The following UNC79 variants were observed in gnomAD, a reference collection of about 807,000 sequenced individuals.
UNC79 encodes unc-79 subunit of NALCN channel complex.
In UNC79, 37 loss-of-function variants were observed where a neutral mutation model predicts 283.1. The observed-to-expected ratio is 0.13, with a 90% CI of 0.10 to 0.17. The LOEUF is 0.17. Among genes scored for constraint, UNC79 ranks in the 10% least tolerant of loss-of-function variants. UNC79 has a pLI of 1.00. For synonymous variants in UNC79, 1,107 were observed against 1,200.2 expected, an observed-to-expected ratio of 0.92 and a Z score of 1.61; for missense variants, 2,272 against 3,211.1, an observed-to-expected ratio of 0.71 and a Z score of 7.07.
chr14:93,404,493 A>AAAAAAATATATATATATATATAAATATAT, intron 1 of UNC79, among the ~76,000 whole-genome samples: 1 of 61,512 alleles, frequency 1.6e-5, no homozygotes, highest in Non-Finnish European at 3.2e-5. Flanking sequence ...TTCTAAAAAA[A>AAAAAAATATATATATATATATAAATATAT]ATATATATAT....
intron 33 of UNC79, among the ~76,000 whole-genome samples, chr14:93,642,731 T>A (rs1267168881): frequency 3.9e-5 from 6 of 152,264 alleles, no homozygotes; most frequent in Non-Finnish European, 7.3e-5. Context: ...TTTTAAAATG[T>A]CAATTTGTAA....
chr14:93,586,523 G>T, intron 20 of UNC79, 73 bp from the exon 21 acceptor site: 1 of 1,378,052 alleles, frequency 7.3e-7, no homozygotes, highest in South Asian at 1.3e-5. Context: ...TGGTTTTTAT[G>T]ATCTTGATAA....
intron 1 of UNC79, among the ~76,000 whole-genome samples, chr14:93,465,606 A>C (rs1207481267): frequency 6.6e-6 from 1 of 152,308 alleles, no homozygotes; most frequent in East Asian, 1.9e-4. Flanking sequence ...TATAAAAAGA[A>C]CATCCTTTCA....
chr14:93,460,356 A>G (rs1386635486), intron 1 of UNC79, among the ~76,000 whole-genome samples: 1 of 151,844 alleles, frequency 6.6e-6, no homozygotes, highest in Non-Finnish European at 1.5e-5. Context: ...AAAAATACAA[A>G]AAAATTAGTC....
chr14:93,530,945 A>G (rs2060795685), intron 10 of UNC79, among the ~76,000 whole-genome samples: 3 of 152,112 alleles, frequency 2.0e-5, no homozygotes, highest in Admixed American at 1.3e-4. Flanking sequence ...CAAAACAACA[A>G]CAACAAAAAA....
intron 14 of UNC79, among the ~76,000 whole-genome samples, chr14:93,552,086 A>G (rs1304212318): frequency 6.6e-6 from 1 of 152,240 alleles, no homozygotes; most frequent in East Asian, 1.9e-4. Flanking sequence ...ATAACAAATA[A>G]TTATTTTAAA....
chr14:93,416,242 A>T (rs2055453913), intron 1 of UNC79, among the ~76,000 whole-genome samples: 1 of 146,680 alleles, frequency 6.8e-6, no homozygotes, highest in Non-Finnish European at 1.5e-5. Flanking sequence ...GTTGGTTTCA[A>T]AGAACATCTT....
chr14:93,546,073 A>G (rs1279514030), intron 14 of UNC79, among the ~76,000 whole-genome samples: 2 of 152,176 alleles, frequency 1.3e-5, no homozygotes, highest in African/African-American at 4.8e-5. Flanking sequence ...AAAACATGAA[A>G]AGCTATCTCA....
intron 1 of UNC79, among the ~76,000 whole-genome samples, chr14:93,460,123 T>C (rs1305374892): frequency 1.6e-5 from 2 of 125,704 alleles, no homozygotes; most frequent in Non-Finnish European, 3.3e-5. Context: ...GGTTAGGAGA[T>C]TGAGACCATC....
At chr14:93,652,588 T>G (rs2070409209) in intron 35 of UNC79, among the ~76,000 whole-genome samples, 1 of 152,248 alleles carries the variant, frequency 6.6e-6, no homozygotes, top group South Asian at 2.1e-4. Context: ...TGATGTGTGT[T>G]GACTTTTGTG....
At chr14:93,482,395 G>A (rs1458946205) in intron 4 of UNC79, among the ~76,000 whole-genome samples, 1 of 152,154 alleles carries the variant, frequency 6.6e-6, no homozygotes, top group Non-Finnish European at 1.5e-5. Flanking sequence ...TTAATGCTGT[G>A]TAGGCTTCCA....
chr14:93,565,637 A>G (rs1054413461), intron 14 of UNC79, among the ~76,000 whole-genome samples: 24 of 150,914 alleles, frequency 1.6e-4, no homozygotes, highest in Admixed American at 1.5e-3. Flanking sequence ...AGAAGTATGG[A>G]GTTCTTCTCA....
At chr14:93,587,906 A>C (rs1369484443) in intron 22 of UNC79, among the ~76,000 whole-genome samples, 1 of 152,186 alleles carries the variant, frequency 6.6e-6, no homozygotes, top group African/African-American at 2.4e-5. Flanking sequence ...CTCTGGAGAC[A>C]ATACCACTTG....
At chr14:93,699,035 T>A (rs189001138) in intron 47 of UNC79, among the ~76,000 whole-genome samples, 1 of 152,220 alleles carries the variant, frequency 6.6e-6, no homozygotes, top group East Asian at 1.9e-4. Context: ...GTACATATTT[T>A]TTCATCTTTT....
chr14:93,644,760 T>C (rs1200498642), intron 34 of UNC79, among the ~76,000 whole-genome samples: 1 of 152,210 alleles, frequency 6.6e-6, no homozygotes, highest in African/African-American at 2.4e-5. Flanking sequence ...GACTTCAAGT[T>C]GAAGACAAAT....
intron 1 of UNC79, among the ~76,000 whole-genome samples, chr14:93,371,665 C>A (rs539275462): frequency 6.6e-6 from 1 of 151,910 alleles, no homozygotes; most frequent in South Asian, 2.1e-4. Flanking sequence ...ATGGTGAAAC[C>A]CTGTTTCTAC....
rs2073547292 is a variant in UNC79 at position 93,678,484 on chromosome 14, ATTC to A, written c.6742-4128_6742-4126del. 3.3e-5 allele frequency among the ~76,000 whole-genome samples: 5 copies of A among 152,196 alleles called. No individual in the cohort carries two copies. In the South Asian group the frequency reaches 1.0e-3, roughly 32 times the overall value. ...AGCTCACTAAGATGGAACCATTTCT[ATTC>A]TTCTCATAGATAGACCATACCTTTG... On this transcript the variant is annotated intron_variant, in intron 41 of 48. Transcript: ENST00000555664.
chr14:93,692,787 G>A (rs1160621954), intron 46 of UNC79, among the ~76,000 whole-genome samples: 1 of 152,198 alleles, frequency 6.6e-6, no homozygotes, highest in African/African-American at 2.4e-5. Context: ...ATTCATCCTG[G>A]AGTCAAGGTT....
chr14:93,516,763 G>T (rs989944212), intron 7 of UNC79, among the ~76,000 whole-genome samples: 1 of 151,884 alleles, frequency 6.6e-6, no homozygotes, highest in South Asian at 2.1e-4. Flanking sequence ...TTGGATTTTT[G>T]AATGAGATTA....
Sources: gnomAD v4.1 joint callset for allele counts (sites outside exome capture counted in the v4.1 genomes callset) on GRCh38, gnomAD v4.1.1 for gene constraint, MANE v1.5 for transcripts, NCBI Gene and HGNC (gene_info 2026-07-23, HGNC 2026-07-21) for gene names.